Variants in RNASET2 observed in about 807,000 individuals in gnomAD.
RNASET2 encodes the protein ribonuclease T2.
Under a neutral mutation model 33.9 loss-of-function variants are expected in RNASET2, and 28 were observed. The ratio of observed to expected loss-of-function variants is 0.83; its 90% confidence interval spans 0.61 to 1.13. The LOEUF (loss-of-function observed/expected upper bound fraction) is 1.13. Ranked by LOEUF, RNASET2 falls within the 50% of genes most tolerant of loss-of-function variation. RNASET2 has a pLI of 0.00. For missense variants in RNASET2, 330 were observed against 319.9 expected (o/e 1.03, Z -0.24); for synonymous variants, 123 against 121.0 (o/e 1.02, Z -0.11).
intron 6 of RNASET2, chr6:166,935,227 A>G (rs1778537716): frequency 6.7e-6 from 1 of 148,526 alleles, no homozygotes; most frequent in African/African-American, 2.5e-5. Flanking sequence ...AAAAAAAAAA[A>G]TGTAAACTAG....
intron 4 of RNASET2, among the ~76,000 whole-genome samples, chr6:166,944,579 C>A (rs1190515165): frequency 6.6e-6 from 1 of 151,830 alleles, no homozygotes; most frequent in South Asian, 2.1e-4. Context: ...GGGCTACTTC[C>A]GTTTGGGACA....
In RNASET2 at chr6:166,943,098, T is replaced by TA. The variant is rs1017649740; in HGVS notation, c.262-10dup. 2 of 1,605,206 alleles carry TA rather than the reference T, an allele frequency of 1.2e-6. No homozygotes were observed. The highest frequency in any genetic ancestry group is 1.3e-5 in the African/African-American group (1 of 74,746). Reference sequence around the variant, plus strand: ...ATTTCTGGCAAAAGATCCTATGCATTAAAAAATAAAATAAGTCTACGCAGG... The same window carrying TA: ...ATTTCTGGCAAAAGATCCTATGCATTAAAAAAATAAAATAAGTCTACGCAGG... On this transcript the variant is annotated splice_polypyrimidine_tract_variant and intron_variant, in intron 4 of 8. Coordinates refer to ENST00000508775, the MANE Select transcript of RNASET2 (RefSeq NM_003730.6).
chr6:166,937,368 C>T (rs1311788899), intron 6 of RNASET2, among the ~76,000 whole-genome samples: 2 of 152,118 alleles, frequency 1.3e-5, no homozygotes, highest in Non-Finnish European at 2.9e-5. Flanking sequence ...AACTCCTGAC[C>T]TCTGGTGATG....
At chr6:166,939,724 C>G (rs921366308) in intron 5 of RNASET2, among the ~76,000 whole-genome samples, 4 of 152,190 alleles carry the variant, frequency 2.6e-5, no homozygotes, top group Non-Finnish European at 5.9e-5. Context: ...CCAGGAAACA[C>G]CTCAGGCCCA....
rs149150928 is a variant in RNASET2 at position 166,923,596 on chromosome 6, G to T, written c.*5992C>A. ...CTTTTTTGTCTAAAATAAATGGAAG[G>T]CCCATTACAGTCACTCAGAAAAAAA... On this transcript the variant is annotated 3_prime_UTR_variant, in exon 9 of 9. Transcript: ENST00000508775. Among the ~76,000 whole-genome samples, 10 of 151,622 alleles carry T rather than the reference G, an allele frequency of 6.6e-5. No homozygotes were observed. The East Asian group carries it at 1.9e-3, about 29-fold the overall frequency.
chr6:166,938,870 G>A (rs1171813773), intron 6 of RNASET2, 25 bp downstream of exon 6: 2 of 1,522,084 alleles, frequency 1.3e-6, no homozygotes, highest in Admixed American at 3.3e-5. Context: ...ACTGGGAAGT[G>A]CAGCCGGGGG....
intron 4 of RNASET2, chr6:166,943,896 C>G (rs919359781): frequency 5.9e-6 from 2 of 341,554 alleles, no homozygotes; most frequent in Non-Finnish European, 1.2e-5. Flanking sequence ...CCGATGCGGG[C>G]GGATCACGAG....
chr6:166,955,179 A>ACACACACACGCG (rs1779079236), intron 1 of RNASET2, among the ~76,000 whole-genome samples: 1 of 116,720 alleles, frequency 8.6e-6, no homozygotes, highest in Non-Finnish European at 1.6e-5. Context: ...CGGCTGCCAC[A>ACACACACACGCG]CACACACACG....
intron 1 of RNASET2, among the ~76,000 whole-genome samples, chr6:166,955,102 G>C (rs1779074911): frequency 6.6e-6 from 1 of 152,096 alleles, no homozygotes; most frequent in African/African-American, 2.4e-5. Flanking sequence ...TCAAATATTG[G>C]TATCTTCCAC....
Position 166,956,541 on chromosome 6 carries a change from C to A in RNASET2, c.-359G>T, listed in dbSNP as rs1212727093. 3.0e-6 allele frequency: 1 copy of A among 329,670 alleles called. No homozygotes were observed. Among genetic ancestry groups the A allele is most frequent in the Non-Finnish European group, 5.7e-6 (1 of 175,536 alleles). The allele number at this position is 329,670 out of a possible 1,614,324, so 20.4% of individuals were successfully genotyped here. A position where few individuals can be genotyped will look rare whatever the true frequency, so the allele number is the denominator to read the frequency against. ...CCGTCCGCCCACGACCACGGTCAGT[C>A]GCGTTGCTCCCAGCCCAGGGCGCCC... On this transcript the variant is annotated 5_prime_UTR_variant, in exon 1 of 9. Coordinates refer to ENST00000508775, the MANE Select transcript of RNASET2 (RefSeq NM_003730.6).
intron 5 of RNASET2, among the ~76,000 whole-genome samples, chr6:166,940,276 G>A (rs1317433301): frequency 2.6e-5 from 4 of 152,308 alleles, no homozygotes; most frequent in African/African-American, 9.6e-5. Flanking sequence ...GCACTTATAT[G>A]CAGTCTTAAA....
At position 166,933,929 on chromosome 6, in the gene RNASET2, A is replaced by G; in HGVS notation, c.492+162T>C. ...CCTTCAGCTCCTACTCAACATGCGCAGGAAAATAAAATGCAAATAAAATCT... is the reference window on the plus strand; with the variant it reads ...CCTTCAGCTCCTACTCAACATGCGCGGGAAAATAAAATGCAAATAAAATCT... On this transcript the variant is annotated intron_variant, in intron 7 of 8. Transcript: ENST00000508775. The surrounding 1 kb of genome is among the most constrained non-coding windows in gnomAD (Gnocchi z 4.1). The G allele has an allele frequency of 1.4e-6, 1 of 702,436 alleles. No homozygotes were observed. Among genetic ancestry groups the G allele is most frequent in the Non-Finnish European group, 2.6e-6 (1 of 384,886 alleles). The allele number at this position is 702,436 out of a possible 1,614,324, so 43.5% of individuals were successfully genotyped here.
At chr6:166,955,876 G>T in intron 1 of RNASET2, 1 of 725,966 alleles carries the variant, frequency 1.4e-6, no homozygotes, top group Non-Finnish European at 1.7e-6. Context: ...TGTGCTAAGG[G>T]CTCCCCCCAA....
rs541824931 is a variant in RNASET2 at position 166,923,541 on chromosome 6, T to A, written c.*6047A>T. On this transcript the variant is annotated 3_prime_UTR_variant, in exon 9 of 9. Transcript: ENST00000508775. ...GGCCCATCTCAAACTTTCTAATAAC[T>A]ATCATCTGAGCCTAAAATGCTAATT... Among the ~76,000 whole-genome samples the A allele has an allele frequency of 4.5e-4, 69 of 152,124 alleles. No homozygotes were observed. Among genetic ancestry groups the A allele is most frequent in the African/African-American group, 1.6e-3 (66 of 41,494 alleles).
Position 166,946,728 on chromosome 6 carries a change from C to CT in RNASET2, c.214dup (p.Ser72LysfsTer2), listed in dbSNP as rs748949328. On this transcript the variant is annotated frameshift_variant, in exon 4 of 9. Coordinates refer to ENST00000508775, the MANE Select transcript of RNASET2 (RefSeq NM_003730.6). LOFTEE classifies it high-confidence loss of function. Reference sequence around the variant, plus strand: ...GGGCCACGATCTATTACATCCTTCACTTTTATCGGGCCTGGAAATTCAAAT... The same window carrying CT: ...GGGCCACGATCTATTACATCCTTCACTTTTTATCGGGCCTGGAAATTCAAAT... 7 of 1,566,458 alleles carry CT rather than the reference C, an allele frequency of 4.5e-6. No individual in the cohort carries two copies. The highest frequency in any genetic ancestry group is 3.5e-6 in the Non-Finnish European group (4 of 1,147,668).
At chr6:166,952,599 G>A (rs1327168990) in intron 1 of RNASET2, 51 bp from the exon 2 acceptor site, 7 of 1,462,118 alleles carry the variant, frequency 4.8e-6, no homozygotes, top group Non-Finnish European at 6.7e-6. Flanking sequence ...TAAAGTTACA[G>A]AAAAAATTCA....
intron 3 of RNASET2, 111 bp downstream of exon 3, chr6:166,948,459 G>T (rs1445300969): frequency 2.6e-6 from 2 of 771,728 alleles, no homozygotes; most frequent in African/African-American, 1.7e-5. Context: ...TAGTCTATTG[G>T]ATAAACTCCT....
At chr6:166,930,343 T>A (rs1327103640) in intron 8 of RNASET2, among the ~76,000 whole-genome samples, 1 of 151,234 alleles carries the variant, frequency 6.6e-6, no homozygotes, top group East Asian at 2.0e-4. Flanking sequence ...TGTGCAGGCC[T>A]GTGCACACAT....
rs140260958 is a variant in RNASET2, at chr6:166,927,010, C to T, written c.*2578G>A. 6.6e-6 allele frequency among the ~76,000 whole-genome samples: 1 copy of T among 152,196 alleles called. No homozygotes were observed. The highest frequency in any genetic ancestry group is 6.5e-5 in the Admixed American group (1 of 15,280). On this transcript the variant is annotated 3_prime_UTR_variant, in exon 9 of 9. Coordinates refer to ENST00000508775, the MANE Select transcript of RNASET2 (RefSeq NM_003730.6). ...TGATCCCAGAGCCTGGCCTGCTCCT[C>T]CTTCCACACATACGAGCCTGAGACC...
Sources: gnomAD v4.1 joint callset for allele counts (sites outside exome capture counted in the v4.1 genomes callset) on GRCh38, gnomAD v4.1.1 for gene constraint, Gnocchi (gnomAD v3.1) non-coding constraint, MANE v1.5 for transcripts, NCBI Gene and HGNC (gene_info 2026-07-23, HGNC 2026-07-21) for gene names.